EIF3H: variants seen among roughly 807,000 people sequenced by gnomAD.
The protein encoded by EIF3H is eukaryotic translation initiation factor 3 subunit H, also known as eIF-3-gamma.
Under a neutral mutation model 44.2 loss-of-function variants are expected in EIF3H, and 26 were observed. The observed-to-expected ratio is 0.59, with a 90% CI of 0.43 to 0.82. The LOEUF is 0.82. Ranked by LOEUF, EIF3H falls within the 40% of genes least tolerant of loss-of-function variation. EIF3H has a pLI of 0.00. For missense variants in EIF3H, 359 were observed against 432.8 expected (o/e 0.83, Z 1.51); for synonymous variants, 166 against 151.9 (o/e 1.09, Z -0.68).
At position 116,716,974 on chromosome 8, in the gene EIF3H, A is replaced by G. The variant is rs540546018; in HGVS notation, c.289+9042T>C. ...CCCGAGGTGGATGGCACAAAAAAAG[A>G]TCTTCCTCTGAATAACTGCTAGTTT... On this transcript the variant is annotated intron_variant, in intron 2 of 7. Coordinates refer to ENST00000521861, the MANE Select transcript of EIF3H (RefSeq NM_003756.3). Among the ~76,000 whole-genome samples the G allele has an allele frequency of 4.1e-4, 63 of 152,264 alleles. 1 individual carries two copies. The South Asian group carries it at 0.012, about 29-fold the overall frequency.
intron 6 of EIF3H, among the ~76,000 whole-genome samples, chr8:116,648,024 T>A (rs1368955501): frequency 6.6e-6 from 1 of 152,208 alleles, no homozygotes; most frequent in Admixed American, 6.5e-5. Flanking sequence ...TGAACTCTGA[T>A]ATTAAGAGAA....
chr8:116,712,121 G>T (rs962896534), intron 2 of EIF3H, among the ~76,000 whole-genome samples: 1 of 152,194 alleles, frequency 6.6e-6, no homozygotes, highest in Non-Finnish European at 1.5e-5. Context: ...CGCCGCTGCT[G>T]CTGCTGTCAT....
chr8:116,657,738 C>T (rs1813515535), intron 3 of EIF3H: 1 of 161,408 alleles, frequency 6.2e-6, no homozygotes, highest in Non-Finnish European at 1.3e-5. Flanking sequence ...GCCCCGCACA[C>T]AAAATTTATC....
At chr8:116,752,911 G>A (rs1815384118) in intron 1 of EIF3H, among the ~76,000 whole-genome samples, 1 of 151,902 alleles carries the variant, frequency 6.6e-6, no homozygotes, top group Non-Finnish European at 1.5e-5. Flanking sequence ...TTGTATCTGG[G>A]CAAACGTGGG....
chr8:116,701,718 T>C (rs1814378607), intron 2 of EIF3H, among the ~76,000 whole-genome samples: 1 of 152,114 alleles, frequency 6.6e-6, no homozygotes, highest in Non-Finnish European at 1.5e-5. Flanking sequence ...TGATAGATAA[T>C]GTATAAAACA....
chr8:116,744,439 T>C (rs1815197996), intron 1 of EIF3H, among the ~76,000 whole-genome samples: 1 of 152,184 alleles, frequency 6.6e-6, no homozygotes, highest in East Asian at 1.9e-4. Context: ...TTTTCTCTTA[T>C]ATGCTTGAGC....
At chr8:116,647,939 T>A (rs571645151) in intron 6 of EIF3H, among the ~76,000 whole-genome samples, 39 of 151,862 alleles carry the variant, frequency 2.6e-4, no homozygotes, top group African/African-American at 9.4e-4. Flanking sequence ...AAAAAAAAAA[T>A]ACTGATTTAC....
chr8:116,743,296 T>TA, intron 1 of EIF3H, among the ~76,000 whole-genome samples: 1 of 147,626 alleles, frequency 6.8e-6, no homozygotes, highest in South Asian at 2.1e-4. Flanking sequence ...AAAAGAAAAA[T>TA]AAAAAAATTA....
intron 7 of EIF3H, among the ~76,000 whole-genome samples, chr8:116,645,566 C>T (rs558370167): frequency 5.3e-5 from 8 of 152,322 alleles, no homozygotes; most frequent in African/African-American, 1.7e-4. Flanking sequence ...ACGAGCCAGA[C>T]AGAGTAAGAG....
At chr8:116,709,236 G>C (rs1814530046) in intron 2 of EIF3H, among the ~76,000 whole-genome samples, 1 of 152,000 alleles carries the variant, frequency 6.6e-6, no homozygotes, top group Non-Finnish European at 1.5e-5. Context: ...ATTCCTCCCA[G>C]TTATGGATCT....
At chr8:116,740,525 ACT>A (rs1451916373) in intron 1 of EIF3H, among the ~76,000 whole-genome samples, 1 of 152,092 alleles carries the variant, frequency 6.6e-6, no homozygotes, top group Non-Finnish European at 1.5e-5. Flanking sequence ...AGCAGGGCCC[ACT>A]TTGAATCACA....
At chr8:116,749,765 G>A (rs181294669) in intron 1 of EIF3H, among the ~76,000 whole-genome samples, 4 of 152,248 alleles carry the variant, frequency 2.6e-5, no homozygotes, top group African/African-American at 7.2e-5. Context: ...TGCTTAGGTA[G>A]GCTTATAACT....
rs149867098 is a variant in EIF3H, at chr8:116,644,836, G to T, written c.*170C>A. ...TAAAATCAAATGAGCAAGCAGTCAA[G>T]ATTTTGTTTTATTTTATTATGGCTA... is the stretch of plus-strand genomic sequence containing the variant. On this transcript the variant is annotated 3_prime_UTR_variant, in exon 8 of 8. Transcript: ENST00000521861. 7.3e-6 allele frequency: 4 copies of T among 549,326 alleles called. No homozygotes were observed. Among genetic ancestry groups the T allele is most frequent in the African/African-American group, 5.6e-5 (3 of 53,420 alleles). 34.0% of individuals were successfully genotyped at this position (549,326 alleles called of 1,614,324 possible). A position where few individuals can be genotyped will look rare whatever the true frequency, so the allele number is the denominator to read the frequency against.
intron 1 of EIF3H, among the ~76,000 whole-genome samples, chr8:116,741,051 T>C (rs2130959686): frequency 6.6e-6 from 1 of 152,344 alleles, no homozygotes; most frequent in Middle Eastern, 3.4e-3. Flanking sequence ...CTTCTCTTTT[T>C]TCCTTTTTAT....
chr8:116,755,724 C>T lies in EIF3H; in HGVS notation c.74G>A (p.Gly25Asp), dbSNP rs1225620298. 6.2e-7 allele frequency: 1 copy of T among 1,614,176 alleles called. No homozygotes were observed. The highest frequency in any genetic ancestry group is 8.5e-7 in the Non-Finnish European group (1 of 1,180,032). ...ATCTCCCGAGCCGCCTTTGCCTTTG[C>T]CTTTCCCTGCTGCGCCGGCGGTGGA... ...SSSTAGAAGKGKGKGGSGDSA... is the reference protein window; with the variant it reads ...SSSTAGAAGKDKGKGGSGDSA... The change falls in exon 1 of 8, where the codon GGC becomes GAC. Residue 25 changes from glycine (G) to aspartate (D), a missense_variant. Gly to Asp is a moderately conservative substitution (Grantham distance 94). Transcript: ENST00000521861.
chr8:116,653,282 T>C (rs918352088), intron 5 of EIF3H, among the ~76,000 whole-genome samples: 2 of 151,742 alleles, frequency 1.3e-5, no homozygotes. Context: ...AGCACAAATA[T>C]GTGGACTTTA....
intron 1 of EIF3H, among the ~76,000 whole-genome samples, chr8:116,733,614 A>T (rs535562514): frequency 4.3e-4 from 66 of 152,274 alleles, no homozygotes; most frequent in Admixed American, 1.1e-3. Flanking sequence ...AATTTAAAAA[A>T]AAAACAAACT....
At chr8:116,650,993 C>T (rs546251591) in intron 5 of EIF3H, among the ~76,000 whole-genome samples, 1 of 152,270 alleles carries the variant, frequency 6.6e-6, no homozygotes, top group South Asian at 2.1e-4. Context: ...TGACTAGAGG[C>T]TGCCAGGGGT....
intron 2 of EIF3H, among the ~76,000 whole-genome samples, chr8:116,680,987 A>C (rs1813978571): frequency 6.8e-6 from 1 of 148,010 alleles, no homozygotes; most frequent in South Asian, 2.1e-4. Flanking sequence ...AAAAAAAAAG[A>C]GTTTACAGTA....
Sources: gnomAD v4.1 joint callset for allele counts (sites outside exome capture counted in the v4.1 genomes callset) on GRCh38, gnomAD v4.1.1 for gene constraint, MANE v1.5 for transcripts, NCBI Gene and HGNC (gene_info 2026-07-23, HGNC 2026-07-21) for gene names.